Variants in AKAP13 observed in about 807,000 individuals in gnomAD.
The protein encoded by AKAP13 is A-kinase anchor protein 13.
A neutral mutation model predicts 264.5 loss-of-function variants in AKAP13; 80 were observed. The observed-to-expected ratio is 0.30, with a 90% CI of 0.25 to 0.36. The LOEUF (loss-of-function observed/expected upper bound fraction) is 0.36, where lower values mean the gene tolerates loss of function less well. Among genes scored for constraint, AKAP13 ranks in the 10% least tolerant of loss-of-function variants. AKAP13 has a pLI of 1.00. For synonymous variants in AKAP13, 1,380 were observed against 1,250.2 expected, an observed-to-expected ratio of 1.10 and a Z score of -2.19; for missense variants, 3,712 against 3,435.2, an observed-to-expected ratio of 1.08 and a Z score of -2.01.
At chr15:85,525,260 G>A (rs1319152886) in intron 3 of AKAP13, among the ~76,000 whole-genome samples, 5 of 151,922 alleles carry the variant, frequency 3.3e-5, no homozygotes, top group East Asian at 1.9e-4. Flanking sequence ...GGGTTTCACC[G>A]TGTTAGCCAG....
At chr15:85,699,598 C>T (rs747439846) in intron 17 of AKAP13, among the ~76,000 whole-genome samples, 2 of 152,194 alleles carry the variant, frequency 1.3e-5, no homozygotes, top group African/African-American at 2.4e-5. Context: ...AATGTACTTA[C>T]ATATTATTTG....
chr15:85,645,301 AT>A (rs937773156), intron 9 of AKAP13, among the ~76,000 whole-genome samples: 67 of 152,240 alleles, frequency 4.4e-4, no homozygotes, highest in African/African-American at 3.9e-4. Context: ...TAAATGATAA[AT>A]TTTTCCACTT....
intron 3 of AKAP13, among the ~76,000 whole-genome samples, chr15:85,522,358 G>A (rs1330184050): frequency 6.6e-6 from 1 of 152,166 alleles, no homozygotes; most frequent in African/African-American, 2.4e-5. Context: ...GATACAAGGA[G>A]ACTGCAAGCA....
At chr15:85,594,433 ATG>A (rs1035888376) in intron 8 of AKAP13, among the ~76,000 whole-genome samples, 1 of 152,246 alleles carries the variant, frequency 6.6e-6, no homozygotes, top group Non-Finnish European at 1.5e-5. Context: ...TTTCAGTGAA[ATG>A]GACGCTAAAT....
chr15:85,531,120 C>G (rs12905350), intron 3 of AKAP13, among the ~76,000 whole-genome samples: 72,939 of 152,180 alleles, frequency 0.48, 18,128 homozygotes, highest in Middle Eastern at 0.61. Flanking sequence ...CTCGGCCTCC[C>G]AAAGTGCTGG....
intron 2 of AKAP13, among the ~76,000 whole-genome samples, chr15:85,491,495 ATT>A (rs1491330300): frequency 8.9e-5 from 13 of 145,932 alleles, no homozygotes; most frequent in African/African-American, 1.7e-4. Flanking sequence ...ATTTATATAT[ATT>A]TATTATATAT....
chr15:85,610,575 G>A lies in AKAP13; in HGVS notation c.4161+24752G>A, dbSNP rs753340272. Among the ~76,000 whole-genome samples the A allele has an allele frequency of 1.2e-3, 176 of 152,268 alleles. 1 individual carries two copies. Among genetic ancestry groups the A allele is most frequent in the Admixed American group, 3.5e-3 (54 of 15,300 alleles). On this transcript the variant is annotated intron_variant, in intron 8 of 36. Transcript: ENST00000394518. The stretch of plus-strand genomic sequence containing the variant: ...TTCTTAACAATCTAAATTATTTATT[G>A]TCAGGTTAGTAATCTTATAGCAACC...
intron 34 of AKAP13, 146 bp from the exon 35 acceptor site, chr15:85,740,900 A>G: frequency 7.3e-7 from 1 of 1,373,994 alleles, no homozygotes; most frequent in Non-Finnish European, 9.7e-7. Context: ...ATCCTGGAGC[A>G]TTTTTATGAG....
At chr15:85,730,433 C>G in intron 29 of AKAP13, 80 bp from the exon 30 acceptor site, 2 of 1,458,234 alleles carry the variant, frequency 1.4e-6, no homozygotes, top group South Asian at 1.3e-5. Flanking sequence ...TAAATTACCA[C>G]AAGGTGGTGC....
intron 1 of AKAP13, among the ~76,000 whole-genome samples, chr15:85,423,747 C>T (rs1316595143): frequency 6.6e-6 from 1 of 152,180 alleles, no homozygotes; most frequent in Non-Finnish European, 1.5e-5. Flanking sequence ...GTTGGCTTTG[C>T]CCAGATTCAT....
At chr15:85,621,079 G>C (rs1255335514) in intron 8 of AKAP13, among the ~76,000 whole-genome samples, 1 of 152,208 alleles carries the variant, frequency 6.6e-6, no homozygotes, top group Admixed American at 6.5e-5. Flanking sequence ...TTTAAGCAAA[G>C]TGGAAATATA....
intron 9 of AKAP13, among the ~76,000 whole-genome samples, chr15:85,641,554 C>T (rs1173949086): frequency 9.9e-5 from 15 of 151,468 alleles, no homozygotes; most frequent in East Asian, 2.0e-4. Flanking sequence ...GGCACAATCT[C>T]GGCTCACTGC....
intron 12 of AKAP13, among the ~76,000 whole-genome samples, chr15:85,663,578 A>T (rs1040312195): frequency 6.6e-6 from 1 of 152,214 alleles, no homozygotes; most frequent in African/African-American, 2.4e-5. Context: ...CCTTGAGTGG[A>T]GGTAACTAAG....
chr15:85,542,504 A>G (rs974663301), intron 4 of AKAP13, among the ~76,000 whole-genome samples: 3 of 152,320 alleles, frequency 2.0e-5, no homozygotes, highest in Admixed American at 6.5e-5. Context: ...AGGACTTCAC[A>G]GTAAGGAGAA....
rs368455076 is a variant in AKAP13, at chr15:85,580,598, G to A, written c.2530G>A (p.Ala844Thr). The change falls in exon 7 of 37, where the codon GCA becomes ACA. Residue 844 changes from alanine to threonine, a missense_variant. Around this residue, in one of 3 missense-constraint regions of AKAP13, gnomAD observed 2,759 missense variants for 2,411.7 expected, o/e 1.14. Coordinates refer to ENST00000394518, the MANE Select transcript of AKAP13 (RefSeq NM_007200.5). ...EPDTRPLEDR[A>T]VGLSTSSTAA... ...TGATACGCGGCCACTAGAAGACAGG[G>A]CAGTAGGCCTGTCCACATCCTCCAC... The A allele has an allele frequency of 1.9e-6, 3 of 1,614,088 alleles. No individual in the cohort carries two copies. Among genetic ancestry groups the A allele is most frequent in the East Asian group, 2.2e-5 (1 of 44,904 alleles).
chr15:85,585,044 C>T (rs1235879872), intron 7 of AKAP13, among the ~76,000 whole-genome samples: 1 of 152,168 alleles, frequency 6.6e-6, no homozygotes, highest in East Asian at 1.9e-4. Flanking sequence ...GTCAACATGG[C>T]CAGCAAGAGG....
chr15:85,704,680 T>C (rs1252355955), intron 17 of AKAP13, among the ~76,000 whole-genome samples: 2 of 152,228 alleles, frequency 1.3e-5, no homozygotes, highest in Non-Finnish European at 2.9e-5. Context: ...TATTGCCTAC[T>C]GCTATTAGGA....
At chr15:85,709,137 A>G (rs897087106) in intron 18 of AKAP13, among the ~76,000 whole-genome samples, 1 of 152,176 alleles carries the variant, frequency 6.6e-6, no homozygotes, top group African/African-American at 2.4e-5. Flanking sequence ...CATGTTTTAT[A>G]TCAGTTTGGA....
chr15:85,597,146 T>C (rs1277503698), intron 8 of AKAP13, among the ~76,000 whole-genome samples: 2 of 152,212 alleles, frequency 1.3e-5, no homozygotes, highest in African/African-American at 4.8e-5. Flanking sequence ...TCTATAACTA[T>C]GGGAATCCAA....
Sources: gnomAD v4.1 joint callset for allele counts (sites outside exome capture counted in the v4.1 genomes callset) on GRCh38, gnomAD v4.1.1 for gene constraint, gnomAD v4.1.1 regional missense constraint, MANE v1.5 for transcripts, NCBI Gene and HGNC (gene_info 2026-07-23, HGNC 2026-07-21) for gene names.